TTF1: variants seen among roughly 807,000 people sequenced by gnomAD.
The protein encoded by TTF1 is transcription termination factor 1.
TTF1 carries 64 observed loss-of-function variants against 80.2 expected under a neutral mutation model. The observed-to-expected ratio is 0.80, with a 90% CI of 0.65 to 0.98. The LOEUF is 0.98. Ranked by LOEUF, TTF1 falls within the 50% of genes least tolerant of loss-of-function variation. The pLI, the probability that TTF1 is intolerant of heterozygous loss-of-function variation, is 0.00. For synonymous variants in TTF1, 372 were observed against 382.7 expected (o/e 0.97, Z 0.33); for missense variants, 1,023 against 1,086.2 (o/e 0.94, Z 0.82).
At chr9:132,392,453 C>T (rs567643605) in intron 5 of TTF1, among the ~76,000 whole-genome samples, 17 of 152,316 alleles carry the variant, frequency 1.1e-4, no homozygotes, top group African/African-American at 3.8e-4. Flanking sequence ...AGCCCTTCTT[C>T]AGCTCAGAGC....
At position 132,387,298 on chromosome 9, in the gene TTF1, C is replaced by A. The variant is rs140719490; in HGVS notation, c.2313-677G>T. Among the ~76,000 whole-genome samples the A allele has an allele frequency of 2.0e-4, 30 of 152,234 alleles. No homozygotes were observed. The East Asian group carries it at 2.1e-3, about 11-fold the overall frequency. ...ATTCATTTACAGTAACCCTCCCCCC[C>A]CAATCTACAGACAGGGAAATGGTGC... On this transcript the variant is annotated intron_variant, in intron 8 of 10. Coordinates refer to ENST00000334270, the MANE Select transcript of TTF1 (RefSeq NM_007344.4).
chr9:132,390,131 C>T (rs1011129256), intron 7 of TTF1, among the ~76,000 whole-genome samples: 1 of 152,088 alleles, frequency 6.6e-6, no homozygotes, highest in Non-Finnish European at 1.5e-5. Flanking sequence ...GGCTGTGAGC[C>T]ACCACACTTG....
In TTF1 at chr9:132,402,815, C is replaced by T; in HGVS notation, c.7G>A (p.Gly3Arg). The T allele has an allele frequency of 6.3e-7, 1 of 1,576,286 alleles. No individual in the cohort carries two copies. The highest frequency in any genetic ancestry group is 2.2e-5 in the East Asian group (1 of 44,610). The change falls in exon 2 of 11, where the codon GGA becomes AGA. Residue 3 changes from glycine to arginine, a missense_variant. Gly to Arg is a moderately radical substitution (Grantham distance 125, BLOSUM62 -2). Transcript: ENST00000334270. Reference protein sequence around the residue: MEGESSRFEIHTP... With the variant: MERESSRFEIHTP... ...TGGATTTCAAATCTGCTTGATTCTC[C>T]TTCCATTTTATTCCTATATGGAAAT... is the stretch of plus-strand genomic sequence containing the variant.
At chr9:132,404,968 C>A (rs1750567970) in intron 1 of TTF1, among the ~76,000 whole-genome samples, 1 of 151,966 alleles carries the variant, frequency 6.6e-6, no homozygotes, top group South Asian at 2.1e-4. Context: ...TCACTGCAAG[C>A]TCTGCCTCCC....
At position 132,402,170 on chromosome 9, in the gene TTF1, T is replaced by A; in HGVS notation, c.652A>T (p.Lys218Ter). 6.2e-7 allele frequency: 1 copy of A among 1,614,154 alleles called. No homozygotes were observed. The highest frequency in any genetic ancestry group is 2.2e-5 in the East Asian group (1 of 44,888). The change falls in exon 2 of 11, where the codon AAG becomes TAG. Residue 218 changes from lysine to a stop codon, truncating the protein, a stop_gained. Coordinates refer to ENST00000334270, the MANE Select transcript of TTF1 (RefSeq NM_007344.4). LOFTEE classifies it high-confidence loss of function. ...TELPASAHKNKSKKKKKKSSN... is the reference protein window; with the variant it reads ...TELPASAHKN ...GACTTTTTCTTTTTTTTCTTAGACTTGTTTTTATGAGCAGATGCTGGTAGT... is the reference window on the plus strand; with the variant it reads ...GACTTTTTCTTTTTTTTCTTAGACTAGTTTTTATGAGCAGATGCTGGTAGT...
At chr9:132,377,117 T>C (rs1051052312) in intron 10 of TTF1, among the ~76,000 whole-genome samples, 1 of 152,172 alleles carries the variant, frequency 6.6e-6, no homozygotes, top group Admixed American at 6.5e-5. Flanking sequence ...TGCTTCTGTG[T>C]ATGTGTGTAC....
At chr9:132,377,987 T>G (rs1849261536) in intron 10 of TTF1, among the ~76,000 whole-genome samples, 1 of 129,028 alleles carries the variant, frequency 7.8e-6, no homozygotes, top group African/African-American at 3.1e-5. Context: ...ATGCATGTGG[T>G]GTGAGTGCAT....
In TTF1 at chr9:132,401,953, G is replaced by A. The variant is rs1363964342; in HGVS notation, c.869C>T (p.Ala290Val). ...TTGTGATCCTTCAGGCATGGCCAAT[G>A]CCTCAAATTCCTGGTGATTGGACTT... ...KKKSNHQEFE[A>V]LAMPEGSQVG... The change falls in exon 2 of 11, where the codon GCA (alanine) becomes GTA (valine). Residue 290 changes from alanine to valine, a missense_variant. By Grantham distance (64) the Ala-to-Val change is moderately conservative. Transcript: ENST00000334270. 6.2e-7 allele frequency: 1 copy of A among 1,613,988 alleles called. No homozygotes were observed. The highest frequency in any genetic ancestry group is 1.1e-5 in the South Asian group (1 of 91,062).
chr9:132,385,145 G>A lies in TTF1; in HGVS notation c.2378+1411C>T, dbSNP rs570347458. On this transcript the variant is annotated intron_variant, in intron 9 of 10. Coordinates refer to ENST00000334270, the MANE Select transcript of TTF1 (RefSeq NM_007344.4). ...AGTCATTTAACCAGCGCTAAAGCAC[G>A]GGGTCTCGGCAGGGTAACACATCTG... 2.7e-4 allele frequency among the ~76,000 whole-genome samples: 41 copies of A among 152,256 alleles called. 1 individual carries two copies. Among genetic ancestry groups the A allele is most frequent in the African/African-American group, 7.5e-4 (31 of 41,554 alleles).
Position 132,384,380 on chromosome 9 carries a change from G to A in TTF1, c.2378+2176C>T, listed in dbSNP as rs1849421824. On this transcript the variant is annotated intron_variant, in intron 9 of 10. Transcript: ENST00000334270. The surrounding 1 kb of genome is among the most constrained non-coding windows in gnomAD (Gnocchi z 4.1). ...AAACTCAAAGAGAGCTGAAGGGAGG[G>A]CGTGATAAAGAGCTGACATTAGAAT... is the stretch of plus-strand genomic sequence containing the variant. Among the ~76,000 whole-genome samples the A allele has an allele frequency of 6.6e-6, 1 of 152,220 alleles. No homozygotes were observed. Among genetic ancestry groups the A allele is most frequent in the South Asian group, 2.1e-4 (1 of 4,826 alleles).
chr9:132,382,541 G>T (rs570705446), intron 9 of TTF1, among the ~76,000 whole-genome samples: 1 of 152,180 alleles, frequency 6.6e-6, no homozygotes. Context: ...TACCAGACAA[G>T]TGCCAACTGC....
rs560177284 is a variant in TTF1, at chr9:132,401,462, C to T, written c.1360G>A (p.Ala454Thr). ...ATACCACTCCCTCGTTACCTTGGCG[C>T]CTCTTGCACGTGCTTGCTTGCCAAA... Reference protein sequence around the residue: ...ACLASKHVQEAPRLEPANEEH... With the variant: ...ACLASKHVQETPRLEPANEEH... Residue 454 changes from alanine to threonine, a missense_variant, in exon 2 of 11, where the codon GCG becomes ACG. Ala to Thr is a moderately conservative substitution (Grantham distance 58). Transcript: ENST00000334270. 1.5e-5 allele frequency: 24 copies of T among 1,606,598 alleles called. No homozygotes were observed. Among genetic ancestry groups the T allele is most frequent in the Non-Finnish European group, 2.0e-5 (23 of 1,175,842 alleles).
At chr9:132,404,947 G>T (rs954337060) in intron 1 of TTF1, among the ~76,000 whole-genome samples, 1 of 150,024 alleles carries the variant, frequency 6.7e-6, no homozygotes, top group Non-Finnish European at 1.5e-5. Context: ...GTGCAGTGGC[G>T]TGATCTCAGC....
chr9:132,389,329 C>A (rs947200973), intron 7 of TTF1, among the ~76,000 whole-genome samples: 4 of 151,466 alleles, frequency 2.6e-5, no homozygotes, highest in Non-Finnish European at 5.9e-5. Flanking sequence ...ATTACAGATG[C>A]CCGCCATCCC....
intron 3 of TTF1, among the ~76,000 whole-genome samples, chr9:132,399,550 T>C (rs1477658586): frequency 6.6e-6 from 1 of 151,522 alleles, no homozygotes; most frequent in African/African-American, 2.4e-5. Context: ...ATAAAGGTTA[T>C]TTATTATTCT....
intron 10 of TTF1, among the ~76,000 whole-genome samples, chr9:132,376,821 C>A (rs1849186666): frequency 6.6e-6 from 1 of 152,068 alleles, no homozygotes; most frequent in African/African-American, 2.4e-5. Context: ...GCTGGGAACA[C>A]AGACAAGCAC....
rs769621052 is a variant in TTF1 at position 132,379,185 on chromosome 9, A to C, written c.2379-41T>G. 10 of 1,477,514 alleles carry C rather than the reference A, an allele frequency of 6.8e-6. No individual in the cohort carries two copies. In the South Asian group the frequency reaches 1.1e-4, roughly 16 times the overall value. 91.5% of individuals were successfully genotyped at this position (1,477,514 alleles called of 1,614,324 possible). A position where few individuals can be genotyped will look rare whatever the true frequency, so the allele number is the denominator to read the frequency against. On this transcript the variant is annotated intron_variant, in intron 9 of 10. Coordinates refer to ENST00000334270, the MANE Select transcript of TTF1 (RefSeq NM_007344.4). Reference sequence around the variant, plus strand: ...GAAAAGATAAAAAGCAAGTTAGTTTAAAAATCTATCATTTCAATACAGTGT... The same window carrying C: ...GAAAAGATAAAAAGCAAGTTAGTTTCAAAATCTATCATTTCAATACAGTGT...
Position 132,402,540 on chromosome 9 carries a change from C to G in TTF1, c.282G>C (p.Leu94Phe). 6.2e-7 allele frequency: 1 copy of G among 1,614,212 alleles called. No homozygotes were observed. The highest frequency in any genetic ancestry group is 8.5e-7 in the Non-Finnish European group (1 of 1,180,046). Reference sequence around the variant, plus strand: ...TAACACCTGCTTCCTCGTCCACCTCCAAAGCACTATATCTTCTCTTTTTTC... The same window carrying G: ...TAACACCTGCTTCCTCGTCCACCTCGAAAGCACTATATCTTCTCTTTTTTC... ...KKRKKRRYSA[L>F]EVDEEAGVTV... is the part of the protein sequence containing the mutation. The change falls in exon 2 of 11, where the codon TTG becomes TTC. Residue 94 changes from leucine to phenylalanine, a missense_variant. Coordinates refer to ENST00000334270, the MANE Select transcript of TTF1 (RefSeq NM_007344.4).
Position 132,401,611 on chromosome 9 carries a change from C to T in TTF1, c.1211G>A (p.Gly404Asp). 6.2e-7 allele frequency: 1 copy of T among 1,614,180 alleles called. No individual in the cohort carries two copies. ...LTSVKRARVSGDDFSVPSKNS... is the reference protein window; with the variant it reads ...LTSVKRARVSDDDFSVPSKNS... ...CTTACTGGGCACTGAAAAATCATCA[C>T]CAGACACTCGTGCCCTTTTGACAGA... The change falls in exon 2 of 11, where the codon GGT (glycine) becomes GAT (aspartate). Residue 404 changes from glycine (G) to aspartate (D), a missense_variant. Physicochemically the swap from Gly to Asp is moderately conservative, Grantham distance 94. Coordinates refer to ENST00000334270, the MANE Select transcript of TTF1 (RefSeq NM_007344.4).
Sources: gnomAD v4.1 joint callset for allele counts (sites outside exome capture counted in the v4.1 genomes callset) on GRCh38, gnomAD v4.1.1 for gene constraint, Gnocchi (gnomAD v3.1) non-coding constraint, MANE v1.5 for transcripts, NCBI Gene and HGNC (gene_info 2026-07-23, HGNC 2026-07-21) for gene names.